The following TNS1 variants were observed in gnomAD, a reference collection of about 807,000 sequenced individuals.
TNS1 encodes tensin-1.
TNS1 carries 62 observed loss-of-function variants against 168.6 expected under a neutral mutation model. The ratio of observed to expected loss-of-function variants is 0.37; its 90% CI spans 0.30 to 0.45. The LOEUF (loss-of-function observed/expected upper bound fraction) is 0.45. Among genes scored for constraint, TNS1 ranks in the 20% least tolerant of loss-of-function variants. The probability of loss-of-function intolerance (pLI) is 1.00; values close to 1 mark genes in which losing one functional copy is unlikely to be tolerated. For synonymous variants in TNS1, 934 were observed against 933.2 expected (o/e 1.00, Z -0.02); for missense variants, 2,240 against 2,339.4 (o/e 0.96, Z 0.88).
chr2:217,900,906 C>T (rs1952891707), intron 6 of TNS1, among the ~76,000 whole-genome samples: 1 of 152,186 alleles, frequency 6.6e-6, no homozygotes, highest in Admixed American at 6.5e-5. Flanking sequence ...ACAAAAGGAG[C>T]GATGAGAGTA....
chr2:217,944,864 G>A (rs1957064240), intron 3 of TNS1, among the ~76,000 whole-genome samples: 1 of 152,208 alleles, frequency 6.6e-6, no homozygotes, highest in South Asian at 2.1e-4. Flanking sequence ...AATGGGGGAA[G>A]TGATGTGAAA....
chr2:217,884,356 T>C (rs1006663913), intron 16 of TNS1, among the ~76,000 whole-genome samples: 1 of 152,164 alleles, frequency 6.6e-6, no homozygotes, highest in African/African-American at 2.4e-5. Flanking sequence ...TGTGTAAGGA[T>C]GGATTGGTGG....
chr2:217,916,801 G>A (rs1448232256), intron 4 of TNS1, among the ~76,000 whole-genome samples: 1 of 152,116 alleles, frequency 6.6e-6, no homozygotes, highest in African/African-American at 2.4e-5. Context: ...TAATCCCAGG[G>A]GTTGGAATTT....
Position 217,818,528 on chromosome 2 carries a change from A to C in TNS1, c.3804T>G (p.Ala1268=). Residue 1268 remains alanine (A), a synonymous_variant, in exon 24 of 33, where the codon GCT becomes GCG. Transcript: ENST00000682258. ...FSSSPESQAR[A]QFSVAGVHTV... is the part of the protein sequence containing the mutation. Reference sequence around the variant, plus strand: ...TGTGGACGCCAGCCACACTGAACTGAGCTCGAGCCTGGCTTTCCGGAGAGG... The same window carrying C: ...TGTGGACGCCAGCCACACTGAACTGCGCTCGAGCCTGGCTTTCCGGAGAGG... 6.2e-7 allele frequency: 1 copy of C among 1,614,186 alleles called. No individual in the cohort carries two copies. Among genetic ancestry groups the C allele is most frequent in the Middle Eastern group, 1.6e-4 (1 of 6,062 alleles).
At chr2:217,904,388 C>A (rs187952524) in intron 6 of TNS1, among the ~76,000 whole-genome samples, 2 of 152,338 alleles carry the variant, frequency 1.3e-5, no homozygotes, top group African/African-American at 4.8e-5. Flanking sequence ...CCGGGGTGGA[C>A]TGCTGGAGAG....
At chr2:218,025,931 T>C (rs968493361) in intron 1 of TNS1, among the ~76,000 whole-genome samples, 51 of 152,192 alleles carry the variant, frequency 3.4e-4, no homozygotes, top group African/African-American at 9.4e-4. Context: ...CTAGGACGCA[T>C]CCTCCAGGCC....
chr2:217,863,791 G>A (rs1949010240), intron 18 of TNS1, among the ~76,000 whole-genome samples: 1 of 152,146 alleles, frequency 6.6e-6, no homozygotes, highest in Non-Finnish European at 1.5e-5. Flanking sequence ...GGAGAAGGAA[G>A]GGGTCTCCCA....
In TNS1 at chr2:217,848,656, G is replaced by A. The variant is rs758441152; in HGVS notation, c.1861C>T (p.Arg621Trp). ...HVNGGALASE[R>W]ETDILDDELP... ...TCATCGTCCAGGATGTCTGTCTCCC[G>A]CTCAGATGCTAACGCCCCACCATTG... Residue 621 changes from arginine to tryptophan, a missense_variant, in exon 19 of 33, where the codon CGG becomes TGG. By Grantham distance (101) the Arg-to-Trp change is moderately radical. Coordinates refer to ENST00000682258, the MANE Select transcript of TNS1 (RefSeq NM_001387777.1). The A allele has an allele frequency of 3.4e-5, 55 of 1,614,080 alleles. No homozygotes were observed. The highest frequency in any genetic ancestry group is 2.7e-4 in the East Asian group (12 of 44,896).
chr2:217,958,835 C>T (rs998794466), intron 3 of TNS1, among the ~76,000 whole-genome samples: 1 of 152,202 alleles, frequency 6.6e-6, no homozygotes, highest in Non-Finnish European at 1.5e-5. Context: ...CTGAAGAAGG[C>T]TTCCTCCTTG....
At chr2:217,934,047 A>G (rs1956469398) in intron 3 of TNS1, among the ~76,000 whole-genome samples, 1 of 152,218 alleles carries the variant, frequency 6.6e-6, no homozygotes, top group Non-Finnish European at 1.5e-5. Context: ...GAGATTCAAC[A>G]AGCAGTAGCC....
rs778921539 is a variant in TNS1, at chr2:217,804,529, G to T, written c.5450C>A (p.Pro1817His). ...GACGATGGCAGAGGCCGGCTGGTTG[G>T]GGTCAAGCTCAGCAAAGAGGTGGCA... ...NACHLFAELD[P>H]NQPASAIVNF... Residue 1817 changes from proline (P) to histidine (H), a missense_variant, in exon 33 of 33, where the codon CCC (proline) becomes CAC (histidine). Around this residue, in one of 2 missense-constraint regions of TNS1, gnomAD observed 109 missense variants for 168.1 expected, o/e 0.65. Transcript: ENST00000682258. 7 of 1,614,046 alleles carry T rather than the reference G, an allele frequency of 4.3e-6. No homozygotes were observed. The Admixed American group carries it at 1.2e-4, about 27-fold the overall frequency.
chr2:217,988,245 G>C (rs1958251737), intron 2 of TNS1, among the ~76,000 whole-genome samples: 1 of 152,178 alleles, frequency 6.6e-6, no homozygotes, highest in Non-Finnish European at 1.5e-5. Context: ...CACACCAGCA[G>C]GGCCAGGCTG....
chr2:217,819,338 G>A (rs1019170352), intron 23 of TNS1, among the ~76,000 whole-genome samples: 1 of 152,208 alleles, frequency 6.6e-6, no homozygotes, highest in African/African-American at 2.4e-5. Context: ...TCATTGTAAG[G>A]TCTGCTCTCC....
intron 4 of TNS1, 41 bp from the exon 5 acceptor site, chr2:217,907,292 A>T (rs1217797550): frequency 1.4e-6 from 1 of 702,786 alleles, no homozygotes; most frequent in East Asian, 2.7e-5. Flanking sequence ...CTTAGGGCAG[A>T]CATCCCAGGG....
At chr2:217,957,647 T>C (rs961995587) in intron 3 of TNS1, among the ~76,000 whole-genome samples, 5 of 152,110 alleles carry the variant, frequency 3.3e-5, no homozygotes, top group Non-Finnish European at 7.4e-5. Flanking sequence ...TAAGACATTT[T>C]TGAGATAATT....
At chr2:217,862,735 G>A (rs1706845068) in intron 18 of TNS1, among the ~76,000 whole-genome samples, 1 of 151,580 alleles carries the variant, frequency 6.6e-6, no homozygotes, top group Non-Finnish European at 1.5e-5. Flanking sequence ...AGGGCCCCTG[G>A]CTCTCAGAGG....
intron 3 of TNS1, among the ~76,000 whole-genome samples, chr2:217,974,653 G>C (rs1957850367): frequency 6.6e-6 from 1 of 152,148 alleles, no homozygotes; most frequent in Admixed American, 6.5e-5. Context: ...AGAATATCTG[G>C]GATCCTTTCC....
intron 22 of TNS1, among the ~76,000 whole-genome samples, chr2:217,822,701 A>T (rs1943056590): frequency 6.6e-6 from 1 of 152,202 alleles, no homozygotes; most frequent in African/African-American, 2.4e-5. Context: ...GGTGGGGGAC[A>T]CACGCTAGAA....
At chr2:217,805,537 C>G (rs1321160304) in intron 32 of TNS1, among the ~76,000 whole-genome samples, 4 of 1,616 alleles carry the variant, frequency 2.5e-3, no homozygotes, top group Admixed American at 6.3e-3. Context: ...ACACACACCA[C>G]ACACACCACC....
Sources: allele counts gnomAD v4.1 joint callset (sites outside exome capture counted in the v4.1 genomes callset), GRCh38; gene constraint gnomAD v4.1.1; regional missense constraint gnomAD v4.1.1; transcripts MANE v1.5; gene names NCBI Gene and HGNC (gene_info 2026-07-23, HGNC 2026-07-21).